AKAP9: variants seen among roughly 807,000 people sequenced by gnomAD.
AKAP9 encodes A-kinase anchoring protein 9.
In AKAP9, 311 loss-of-function variants were observed where a neutral mutation model predicts 488.5. The observed-to-expected ratio is 0.64, with a 90% CI of 0.58 to 0.70. The LOEUF is 0.70. Among genes scored for constraint, AKAP9 ranks in the 30% least tolerant of loss-of-function variants. The pLI, the probability that AKAP9 is intolerant of heterozygous loss-of-function variation, is 0.00. For synonymous variants in AKAP9, 1,462 were observed against 1,483.5 expected, an observed-to-expected ratio of 0.99 and a Z score of 0.33; for missense variants, 4,215 against 4,374.5, an observed-to-expected ratio of 0.96 and a Z score of 1.03.
intron 38 of AKAP9, among the ~76,000 whole-genome samples, chr7:92,091,836 A>C (rs1815692388): frequency 6.6e-6 from 1 of 152,176 alleles, no homozygotes; most frequent in Non-Finnish European, 1.5e-5. Context: ...TTAACCTCTA[A>C]AGTTTTTAGA....
At position 92,107,400 on chromosome 7, in the gene AKAP9, TC is replaced by T. The variant is rs1295976933; in HGVS notation, c.11528del (p.Pro3843LeufsTer20). ...RSRSDLDYIR[S>X]PLPFQNRYPG... ...AAGATCAGATCTGGACTATATTAGG[TC>T]CCCTTTACCATTTCAGAATAGGTAA... On this transcript the variant is annotated frameshift_variant, in exon 48 of 50. Transcript: ENST00000356239. LOFTEE classifies it high-confidence loss of function. 1 of 1,613,744 alleles carries T rather than the reference TC, an allele frequency of 6.2e-7. No homozygotes were observed. Among genetic ancestry groups the T allele is most frequent in the Non-Finnish European group, 8.5e-7 (1 of 1,179,858 alleles).
chr7:92,084,732 G>T lies in AKAP9; in HGVS notation c.8710+29G>T, dbSNP rs771554977. 4.4e-6 allele frequency: 7 copies of T among 1,606,436 alleles called. No homozygotes were observed. The Admixed American group carries it at 8.4e-5, about 19-fold the overall frequency. ...AGTTATATAAATATTTGTAATGTTT[G>T]TAGTAGTTGTTTAAGAAATAATAGT... On this transcript the variant is annotated intron_variant, in intron 34 of 49. Coordinates refer to ENST00000356239, the MANE Select transcript of AKAP9 (RefSeq NM_005751.5).
intron 2 of AKAP9, among the ~76,000 whole-genome samples, chr7:91,977,375 T>C (rs978036743): frequency 6.6e-6 from 1 of 152,080 alleles, no homozygotes; most frequent in Admixed American, 6.5e-5. Flanking sequence ...GCTAACACGG[T>C]GAAACCCTGT....
At chr7:92,021,936 A>G (rs1238426808) in intron 12 of AKAP9, among the ~76,000 whole-genome samples, 1 of 152,240 alleles carries the variant, frequency 6.6e-6, no homozygotes, top group African/African-American at 2.4e-5. Flanking sequence ...TATACTATAA[A>G]TATTGTTATC....
In AKAP9 at chr7:92,066,581, A is replaced by C. The variant is rs753899521; in HGVS notation, c.6330+35A>C. Reference sequence around the variant, plus strand: ...TCACTGATATTGCCCAACTTACAGTAATTTGTATCAAGTGTAAAATAAGAT... The same window carrying C: ...TCACTGATATTGCCCAACTTACAGTCATTTGTATCAAGTGTAAAATAAGAT... On this transcript the variant is annotated intron_variant, in intron 26 of 49. Coordinates refer to ENST00000356239, the MANE Select transcript of AKAP9 (RefSeq NM_005751.5). The C allele has an allele frequency of 3.7e-6, 6 of 1,610,404 alleles. No homozygotes were observed. The African/African-American group carries it at 8.0e-5, about 22-fold the overall frequency.
chr7:91,968,238 C>G (rs1794655968), intron 1 of AKAP9, among the ~76,000 whole-genome samples: 1 of 152,194 alleles, frequency 6.6e-6, no homozygotes, highest in South Asian at 2.1e-4. Context: ...GCCACCGCTC[C>G]CAGCTTGATG....
intron 12 of AKAP9, among the ~76,000 whole-genome samples, chr7:92,019,547 T>C (rs902865702): frequency 6.6e-6 from 1 of 151,954 alleles, no homozygotes; most frequent in Non-Finnish European, 1.5e-5. Context: ...GTACTGAGAA[T>C]AAAGTAATGA....
At chr7:92,016,416 A>T in intron 11 of AKAP9, 149 bp downstream of exon 11, 1 of 617,310 alleles carries the variant, frequency 1.6e-6, no homozygotes, top group Non-Finnish European at 2.7e-6. Context: ...ATGAAATCTC[A>T]TATTTAATAC....
Position 91,995,692 on chromosome 7 carries a change from AC to A in AKAP9, c.823del (p.Gln275SerfsTer10). 1 of 1,614,162 alleles carries A rather than the reference AC, an allele frequency of 6.2e-7. No homozygotes were observed. Among genetic ancestry groups the A allele is most frequent in the Non-Finnish European group, 8.5e-7 (1 of 1,179,964 alleles). On this transcript the variant is annotated frameshift_variant, in exon 7 of 50. Transcript: ENST00000356239. LOFTEE classifies it high-confidence loss of function. ...CCAAACAACAGATCCTCACTCATCA[AC>A]AGCAGCTTGAAGAACAAGACCACTT... ...QAKQQILTHQ[Q>X]QLEEQDHLLE...
chr7:92,076,865 TAGA>T lies in AKAP9; in HGVS notation c.6627_6629del (p.Glu2210del). 1 of 1,465,162 alleles carries T rather than the reference TAGA, an allele frequency of 6.8e-7. No individual in the cohort carries two copies. Among genetic ancestry groups the T allele is most frequent in the Non-Finnish European group, 9.4e-7 (1 of 1,066,278 alleles). 90.8% of individuals were successfully genotyped at this position (1,465,162 alleles called of 1,614,324 possible). The stretch of plus-strand genomic sequence containing the variant: ...ATTTTGTTATTAAAGATTACAAACT[TAGA>T]AGAGCAATTAGAACAGTTTAGAGAA... On this transcript the variant is annotated inframe_deletion, in exon 29 of 50. Transcript: ENST00000356239.
rs547760972 is a variant in AKAP9 at position 92,007,146 on chromosome 7, A to G, written c.3318+3911A>G. Among the ~76,000 whole-genome samples, 11 of 152,290 alleles carry G rather than the reference A, an allele frequency of 7.2e-5. No homozygotes were observed. In the South Asian group the frequency reaches 1.5e-3, roughly 20 times the overall value. ...GAAGAAGATCAGAATAGCTTTTGTC[A>G]CTTGCTTTTCTATTGTGTAGGTCCT... On this transcript the variant is annotated intron_variant, in intron 8 of 49. Transcript: ENST00000356239.
In AKAP9 at chr7:92,001,170, T is replaced by A; in HGVS notation, c.1253T>A (p.Ile418Lys). 6.2e-7 allele frequency: 1 copy of A among 1,613,996 alleles called. No individual in the cohort carries two copies. Among genetic ancestry groups the A allele is most frequent in the Non-Finnish European group, 8.5e-7 (1 of 1,179,936 alleles). ...NHKDSQFETD[I>K]VQRMEQETQR... is the part of the protein sequence containing the mutation. ...AAAGACAGCCAGTTCGAAACTGATA[T>A]AGTACAACGAATGGAACAAGAAACA... The change falls in exon 8 of 50, where the codon ATA becomes AAA. Residue 418 changes from isoleucine to lysine, a missense_variant. Around this residue, in one of 5 missense-constraint regions of AKAP9, gnomAD observed 2,361 missense variants for 2,430.0 expected, o/e 0.97. Transcript: ENST00000356239.
rs1472708323 is a variant in AKAP9, at chr7:92,097,061, A to G, written c.10102A>G (p.Lys3368Glu). 6.2e-7 allele frequency: 1 copy of G among 1,614,244 alleles called. No individual in the cohort carries two copies. The highest frequency in any genetic ancestry group is 1.1e-5 in the South Asian group (1 of 91,086). Residue 3368 changes from lysine (K) to glutamate (E), a missense_variant, in exon 41 of 50, where the codon AAA becomes GAA. This residue lies in a region of AKAP9 where 1,476 missense variants were observed against 1,477.4 expected (regional missense o/e 1.00). Coordinates refer to ENST00000356239, the MANE Select transcript of AKAP9 (RefSeq NM_005751.5). ...RIVELLNETE[K>E]YKLDSLQTRQ... ...AGTAGAATTGTTAAATGAGACTGAA[A>G]AATATAAACTGGATTCTTTGCAAAC... is the stretch of plus-strand genomic sequence containing the variant.
chr7:92,002,325 T>G lies in AKAP9; in HGVS notation c.2408T>G (p.Leu803Trp). ...IHTPVSQEER[L>W]IFLDSIKSKS... ...ACTCCTGTTAGCCAAGAAGAAAGATTGATTTTCTTAGACTCCATTAAGTCC... is the reference window on the plus strand; with the variant it reads ...ACTCCTGTTAGCCAAGAAGAAAGATGGATTTTCTTAGACTCCATTAAGTCC... Residue 803 changes from leucine to tryptophan, a missense_variant, in exon 8 of 50, where the codon TTG becomes TGG. Transcript: ENST00000356239. 6.2e-7 allele frequency: 1 copy of G among 1,612,988 alleles called. No individual in the cohort carries two copies. The highest frequency in any genetic ancestry group is 8.5e-7 in the Non-Finnish European group (1 of 1,179,366).
chr7:92,091,479 G>T (rs1050915302), intron 38 of AKAP9, among the ~76,000 whole-genome samples: 1 of 151,588 alleles, frequency 6.6e-6, no homozygotes, highest in Non-Finnish European at 1.5e-5. Context: ...CCAGCTACTC[G>T]GGAGGCTGAG....
intron 7 of AKAP9, among the ~76,000 whole-genome samples, chr7:91,999,877 C>CATTG (rs1454354836): frequency 6.6e-6 from 1 of 152,162 alleles, no homozygotes; most frequent in Non-Finnish European, 1.5e-5. Context: ...TTCATTCATT[C>CATTG]ATTCAAGGCA....
At chr7:92,060,146 A>G (rs567144004) in intron 22 of AKAP9, among the ~76,000 whole-genome samples, 1 of 152,130 alleles carries the variant, frequency 6.6e-6, no homozygotes, top group East Asian at 1.9e-4. Flanking sequence ...AGATGTGAAA[A>G]GTGGAAGTCT....
intron 27 of AKAP9, 97 bp from the exon 28 acceptor site, chr7:92,070,806 CAA>C (rs34613656): frequency 0.018 from 8,155 of 448,980 alleles, no homozygotes; most frequent in South Asian, 0.022. Context: ...TGCTGCTTCT[CAA>C]AAAAAAAAAA....
intron 10 of AKAP9, 88 bp from the exon 11 acceptor site, chr7:92,016,041 G>T: frequency 9.0e-7 from 1 of 1,107,390 alleles, no homozygotes; most frequent in Non-Finnish European, 1.3e-6. Context: ...CATTTTGACC[G>T]CCTTGCATCT....
Sources: gnomAD v4.1 joint callset for allele counts (sites outside exome capture counted in the v4.1 genomes callset) on GRCh38, gnomAD v4.1.1 for gene constraint, gnomAD v4.1.1 regional missense constraint, MANE v1.5 for transcripts, NCBI Gene and HGNC (gene_info 2026-07-23, HGNC 2026-07-21) for gene names.